The following GRID2 variants were observed in gnomAD, a reference collection of about 807,000 sequenced individuals.
GRID2 encodes glutamate receptor ionotropic, delta-2.
In GRID2, 33 loss-of-function variants were observed where a neutral mutation model predicts 114.8. The ratio of observed to expected loss-of-function variants is 0.29; its 90% CI spans 0.22 to 0.38. GRID2 has a LOEUF of 0.38. Ranked by LOEUF, GRID2 falls within the 10% of genes least tolerant of loss-of-function variation. The pLI, the probability that GRID2 is intolerant of heterozygous loss-of-function variation, is 1.00. For missense variants in GRID2, 1,184 were observed against 1,257.7 expected (o/e 0.94, Z 0.89); for synonymous variants, 505 against 449.9 (o/e 1.12, Z -1.55).
At chr4:93,475,788 G>C (rs1725265194) in intron 11 of GRID2, among the ~76,000 whole-genome samples, 1 of 152,086 alleles carries the variant, frequency 6.6e-6, no homozygotes, top group Admixed American at 6.6e-5. Context: ...CTGATTGATT[G>C]AATCTCTGAA....
intron 3 of GRID2, among the ~76,000 whole-genome samples, chr4:93,096,185 A>G (rs1027837461): frequency 2.0e-5 from 3 of 151,936 alleles, no homozygotes; most frequent in African/African-American, 7.2e-5. Flanking sequence ...AATAAATTTT[A>G]CTCTCATCTC....
At chr4:93,608,651 T>G (rs1412465177) in intron 13 of GRID2, among the ~76,000 whole-genome samples, 1 of 139,176 alleles carries the variant, frequency 7.2e-6, no homozygotes, top group Non-Finnish European at 1.6e-5. Flanking sequence ...TCATCATTTT[T>G]TATGGCTGCA....
intron 8 of GRID2, among the ~76,000 whole-genome samples, chr4:93,386,874 C>T (rs373209340): frequency 6.6e-6 from 1 of 152,062 alleles, no homozygotes; most frequent in African/African-American, 2.4e-5. Flanking sequence ...TCTCAGAGTC[C>T]CCAGTAAAGA....
chr4:93,781,630 A>G (rs762177986), intron 1 of GRID2, among the ~76,000 whole-genome samples: 2 of 152,194 alleles, frequency 1.3e-5, no homozygotes, highest in Non-Finnish European at 2.9e-5. Context: ...GTGTTTGTCT[A>G]TAATATATGC....
chr4:93,677,765 C>T (rs1330552458), intron 14 of GRID2, among the ~76,000 whole-genome samples: 2 of 152,040 alleles, frequency 1.3e-5, no homozygotes, highest in Admixed American at 1.3e-4. Flanking sequence ...GACATCCACA[C>T]CAAAAACCCA....
chr4:92,526,783 A>C (rs1228750916), intron 1 of GRID2, among the ~76,000 whole-genome samples: 1 of 151,952 alleles, frequency 6.6e-6, no homozygotes, highest in African/African-American at 2.4e-5. Context: ...ACCATAAGTC[A>C]TAGGTTTGAC....
intron 2 of GRID2, among the ~76,000 whole-genome samples, chr4:92,607,267 A>G (rs995880542): frequency 4.0e-5 from 6 of 151,874 alleles, no homozygotes; most frequent in African/African-American, 1.4e-4. Flanking sequence ...AAATGAAATA[A>G]ACACGAATGT....
At chr4:92,644,930 A>G (rs1469512181) in intron 2 of GRID2, among the ~76,000 whole-genome samples, 2 of 151,328 alleles carry the variant, frequency 1.3e-5, no homozygotes, top group East Asian at 1.9e-4. Context: ...TTTTCTCATT[A>G]TAGAACAGCT....
intron 1 of GRID2, among the ~76,000 whole-genome samples, chr4:92,430,376 A>G (rs1224186164): frequency 6.6e-6 from 1 of 151,996 alleles, no homozygotes; most frequent in Non-Finnish European, 1.5e-5. Context: ...TCTCCAAAGT[A>G]TATTTTTGGC....
intron 9 of GRID2, among the ~76,000 whole-genome samples, chr4:93,413,565 C>A (rs1767418905): frequency 6.6e-6 from 1 of 152,096 alleles, no homozygotes; most frequent in African/African-American, 2.4e-5. Context: ...TGTTAACATT[C>A]ATTTTTATCC....
intron 2 of GRID2, among the ~76,000 whole-genome samples, chr4:92,718,761 CAAAAAAAA>C (rs3077559): frequency 9.6e-5 from 4 of 41,790 alleles, no homozygotes; most frequent in African/African-American, 1.9e-4. Flanking sequence ...AGACCCTGTC[CAAAAAAAA>C]AAAAAAAAAA....
intron 1 of GRID2, among the ~76,000 whole-genome samples, chr4:92,457,759 G>T (rs546132897): frequency 3.3e-5 from 5 of 152,094 alleles, no homozygotes; most frequent in Admixed American, 2.6e-4. Context: ...GAAAAGGCAC[G>T]AAAGCATCAC....
chr4:93,727,512 C>A lies in GRID2; in HGVS notation c.2361-41698C>A, dbSNP rs111338851. ...GATGCTGGCCTCATAAAATGAGTTA[C>A]GGAGGATTCCCTCTTTTTCTATTGA... is the stretch of plus-strand genomic sequence containing the variant. On this transcript the variant is annotated intron_variant, in intron 14 of 15. Transcript: ENST00000282020. 7.9e-5 allele frequency among the ~76,000 whole-genome samples: 12 copies of A among 152,104 alleles called. 1 individual carries two copies. The South Asian group carries it at 2.5e-3, about 32-fold the overall frequency.
At chr4:93,292,212 G>A (rs1753828279) in intron 8 of GRID2, among the ~76,000 whole-genome samples, 1 of 152,160 alleles carries the variant, frequency 6.6e-6, no homozygotes, top group African/African-American at 2.4e-5. Context: ...AGGAATAGCT[G>A]CAGTCCTTCT....
chr4:92,435,245 T>C (rs1166571656), intron 1 of GRID2, among the ~76,000 whole-genome samples: 3 of 152,186 alleles, frequency 2.0e-5, no homozygotes, highest in African/African-American at 7.2e-5. Context: ...ACAAATTTCC[T>C]TATAGGGTAT....
intron 2 of GRID2, among the ~76,000 whole-genome samples, chr4:92,950,910 G>A (rs2149134096): frequency 6.6e-6 from 1 of 152,066 alleles, no homozygotes; most frequent in African/African-American, 2.4e-5. Context: ...AAATTACTTG[G>A]CAAATCCATT....
At chr4:93,045,889 G>A (rs1029162412) in intron 2 of GRID2, among the ~76,000 whole-genome samples, 5 of 152,040 alleles carry the variant, frequency 3.3e-5, no homozygotes, top group Admixed American at 1.3e-4. Context: ...TCTAAGCCAA[G>A]TATTTATGGG....
chr4:92,680,795 C>T (rs1438714573), intron 2 of GRID2, among the ~76,000 whole-genome samples: 1 of 152,128 alleles, frequency 6.6e-6, no homozygotes, highest in Non-Finnish European at 1.5e-5. Flanking sequence ...TATGCATTTG[C>T]AGCACAAAGA....
intron 13 of GRID2, among the ~76,000 whole-genome samples, chr4:93,563,475 C>G (rs992850485): frequency 6.6e-6 from 1 of 151,850 alleles, no homozygotes; most frequent in Non-Finnish European, 1.5e-5. Flanking sequence ...ATAAGCTTAT[C>G]TTTTCTGAAT....
Sources: gnomAD v4.1 joint callset for allele counts (sites outside exome capture counted in the v4.1 genomes callset) on GRCh38, gnomAD v4.1.1 for gene constraint, MANE v1.5 for transcripts, NCBI Gene and HGNC (gene_info 2026-07-23, HGNC 2026-07-21) for gene names.